The following UNC13C variants were observed in gnomAD, a reference collection of about 807,000 sequenced individuals.
UNC13C encodes unc-13 homolog C.
UNC13C carries 174 observed loss-of-function variants against 245.4 expected under a neutral mutation model. The observed-to-expected ratio is 0.71, with a 90% confidence interval of 0.63 to 0.80. UNC13C has a LOEUF of 0.80. Among genes scored for constraint, UNC13C ranks in the 30% least tolerant of loss-of-function variants. The pLI is 0.00. For synonymous variants in UNC13C, 992 were observed against 895.1 expected (o/e 1.11, Z -1.93); for missense variants, 2,829 against 2,602.9 (o/e 1.09, Z -1.89).
intron 2 of UNC13C, among the ~76,000 whole-genome samples, chr15:54,136,264 A>G (rs74636175): frequency 0.012 from 1,837 of 152,198 alleles, 28 homozygotes; most frequent in African/African-American, 0.043. Flanking sequence ...CAATCTCCTG[A>G]GTAGCTGGGG....
At chr15:54,497,340 A>G (rs1166120878) in intron 20 of UNC13C, among the ~76,000 whole-genome samples, 1 of 152,100 alleles carries the variant, frequency 6.6e-6, no homozygotes, top group Non-Finnish European at 1.5e-5. Flanking sequence ...AATTTGCAAT[A>G]CGGGGCTTGC....
chr15:54,109,444 C>G (rs543438740), intron 2 of UNC13C, among the ~76,000 whole-genome samples: 158 of 149,240 alleles, frequency 1.1e-3, no homozygotes, highest in African/African-American at 3.8e-3. Flanking sequence ...CAGGTTCATG[C>G]CATTCTCCTG....
chr15:54,543,207 A>G lies in UNC13C; in HGVS notation c.5697-3515A>G, dbSNP rs746650740. On this transcript the variant is annotated intron_variant, in intron 26 of 32. Transcript: ENST00000260323. Reference sequence around the variant, plus strand: ...AAGGCAGACCTGGTGGTGACAAAATATCTCAGCATTTGCTTGTCTGTAAAG... The same window carrying G: ...AAGGCAGACCTGGTGGTGACAAAATGTCTCAGCATTTGCTTGTCTGTAAAG... Among the ~76,000 whole-genome samples the G allele has an allele frequency of 2.0e-5, 3 of 152,088 alleles. No homozygotes were observed. In the South Asian group the frequency reaches 6.2e-4, roughly 32 times the overall value.
chr15:54,049,857 TC>T, intron 2 of UNC13C: 1 of 236,776 alleles, frequency 4.2e-6, no homozygotes, highest in Non-Finnish European at 8.9e-6. Context: ...GCTGTAACTA[TC>T]CCATGCCTTA....
At chr15:54,258,919 T>C (rs78591536) in intron 8 of UNC13C, among the ~76,000 whole-genome samples, 5 of 152,284 alleles carry the variant, frequency 3.3e-5, no homozygotes, top group South Asian at 2.1e-4. Flanking sequence ...GTACCATAAA[T>C]TGGGGGGCTT....
At chr15:54,243,326 T>C (rs1284911015) in intron 7 of UNC13C, among the ~76,000 whole-genome samples, 1 of 152,212 alleles carries the variant, frequency 6.6e-6, no homozygotes, top group Admixed American at 6.5e-5. Context: ...ATTCCTTTTT[T>C]ATGGCTGCAT....
intron 8 of UNC13C, among the ~76,000 whole-genome samples, chr15:54,259,277 C>T (rs2036362045): frequency 6.6e-6 from 1 of 152,224 alleles, no homozygotes; most frequent in Non-Finnish European, 1.5e-5. Context: ...AAGATTTTCT[C>T]CTCTACCCAA....
At chr15:54,582,106 G>A (rs959166030) in intron 30 of UNC13C, among the ~76,000 whole-genome samples, 1 of 151,990 alleles carries the variant, frequency 6.6e-6, no homozygotes, top group African/African-American at 2.4e-5. Context: ...GAATGAGGAC[G>A]GGAAAGAAGA....
chr15:54,508,394 A>G (rs1163791869), intron 23 of UNC13C, among the ~76,000 whole-genome samples: 1 of 152,118 alleles, frequency 6.6e-6, no homozygotes, highest in African/African-American at 2.4e-5. Context: ...GTTCCACTTT[A>G]TGTATTAACA....
chr15:54,465,589 A>G (rs1318495588), intron 19 of UNC13C, among the ~76,000 whole-genome samples: 2 of 152,160 alleles, frequency 1.3e-5, no homozygotes, highest in African/African-American at 2.4e-5. Flanking sequence ...AATGATGACT[A>G]TGGCTGAGGC....
intron 30 of UNC13C, among the ~76,000 whole-genome samples, chr15:54,601,132 C>G (rs1035992626): frequency 6.6e-6 from 1 of 151,668 alleles, no homozygotes; most frequent in Non-Finnish European, 1.5e-5. Flanking sequence ...CTAGAGTAAA[C>G]CCCTACATTC....
At chr15:54,059,136 T>G (rs895200541) in intron 2 of UNC13C, among the ~76,000 whole-genome samples, 1 of 152,050 alleles carries the variant, frequency 6.6e-6, no homozygotes, top group Non-Finnish European at 1.5e-5. Flanking sequence ...GAGAAAGAAA[T>G]AAAGGGTGTT....
intron 2 of UNC13C, among the ~76,000 whole-genome samples, chr15:54,035,558 T>A (rs1383947076): frequency 6.6e-6 from 1 of 152,182 alleles, no homozygotes; most frequent in Non-Finnish European, 1.5e-5. Flanking sequence ...GGCCTTCTTC[T>A]ACTCACTTTA....
At chr15:54,114,053 G>A (rs771726502) in intron 2 of UNC13C, among the ~76,000 whole-genome samples, 1 of 152,090 alleles carries the variant, frequency 6.6e-6, no homozygotes. Context: ...CCTCACCAGT[G>A]TGCACTCACA....
At chr15:54,404,107 A>G (rs572331578) in intron 18 of UNC13C, among the ~76,000 whole-genome samples, 2 of 152,200 alleles carry the variant, frequency 1.3e-5, no homozygotes, top group African/African-American at 2.4e-5. Flanking sequence ...TTTATAATGT[A>G]AAAAGGGCAC....
At chr15:54,572,344 A>G (rs1247822243) in intron 30 of UNC13C, among the ~76,000 whole-genome samples, 2 of 151,994 alleles carry the variant, frequency 1.3e-5, no homozygotes, top group Non-Finnish European at 2.9e-5. Flanking sequence ...TGGGAAAAAA[A>G]TTTGTATTTT....
At chr15:54,229,948 A>G (rs1252102563) in intron 4 of UNC13C, among the ~76,000 whole-genome samples, 1 of 151,884 alleles carries the variant, frequency 6.6e-6, no homozygotes, top group East Asian at 1.9e-4. Flanking sequence ...CACAAATTGT[A>G]GGGTTTTTTT....
intron 18 of UNC13C, among the ~76,000 whole-genome samples, chr15:54,412,260 T>G (rs2040431729): frequency 6.6e-6 from 1 of 151,310 alleles, no homozygotes; most frequent in Non-Finnish European, 1.5e-5. Flanking sequence ...GGAAAGAGGT[T>G]TAATTGACTC....
chr15:54,403,118 T>C (rs1296191002), intron 18 of UNC13C, among the ~76,000 whole-genome samples: 1 of 152,208 alleles, frequency 6.6e-6, no homozygotes, highest in Non-Finnish European at 1.5e-5. Context: ...GAAACAGTTA[T>C]CTAAACTCAG....
Sources: gnomAD v4.1 joint callset for allele counts (sites outside exome capture counted in the v4.1 genomes callset) on GRCh38, gnomAD v4.1.1 for gene constraint, MANE v1.5 for transcripts, NCBI Gene and HGNC (gene_info 2026-07-23, HGNC 2026-07-21) for gene names.